Variants in RGS6 observed in about 807,000 individuals in gnomAD.
RGS6 encodes regulator of G protein signaling 6.
In RGS6, 30 loss-of-function variants were observed where a neutral mutation model predicts 78.5. That is an observed-to-expected ratio of 0.38 (90% CI 0.29 to 0.52). The LOEUF (loss-of-function observed/expected upper bound fraction) is 0.52. RGS6 is among the 20% of genes least tolerant of loss of function. RGS6 has a pLI of 0.85. For synonymous variants in RGS6, 206 were observed against 206.0 expected (o/e 1.00, Z 0.00); for missense variants, 495 against 609.7 (o/e 0.81, Z 1.98).
intron 2 of RGS6, among the ~76,000 whole-genome samples, chr14:72,270,161 A>T (rs2059723342): frequency 6.6e-6 from 1 of 152,174 alleles, no homozygotes; most frequent in South Asian, 2.1e-4. Context: ...ATCTAGATCA[A>T]ATTCCCCTAT....
chr14:72,366,023 G>T (rs1307216569), intron 3 of RGS6, among the ~76,000 whole-genome samples: 1 of 152,154 alleles, frequency 6.6e-6, no homozygotes, highest in Admixed American at 6.5e-5. Flanking sequence ...AGTCATCAGA[G>T]TCTGAGTGAC....
At chr14:72,562,381 G>T in intron 17 of RGS6, 36 bp from the exon 18 acceptor site, 1 of 1,594,952 alleles carries the variant, frequency 6.3e-7, no homozygotes. Flanking sequence ...CTGTGTGTGC[G>T]CCTGTGCGTG....
Position 72,013,127 on chromosome 14 carries a change from T to C in RGS6, c.84+48252T>C, listed in dbSNP as rs113619743. ...CTCTACTAAAAATACAAAAATTAGC[T>C]GGGTGTGGTGGTACGTGCCTGTAAT... On this transcript the variant is annotated intron_variant, in intron 2 of 17. Transcript: ENST00000553525. Among the ~76,000 whole-genome samples the C allele has an allele frequency of 3.6e-3, 542 of 151,668 alleles. 4 individuals are homozygous for C. The highest frequency in any genetic ancestry group is 0.011 in the African/African-American group (471 of 41,354).
In RGS6 at chr14:72,183,957, A is replaced by G. The variant is rs766124370; in HGVS notation, c.85-168138A>G. Among the ~76,000 whole-genome samples the G allele has an allele frequency of 3.3e-5, 5 of 152,150 alleles. No homozygotes were observed. In the South Asian group the frequency reaches 6.2e-4, roughly 19 times the overall value. On this transcript the variant is annotated intron_variant, in intron 2 of 17. Transcript: ENST00000553525. ...ATGTATGAAATCCTAATAGTATGCC[A>G]TTTAGGAGTTTGTTTACCATCAGTC... is the stretch of plus-strand genomic sequence containing the variant.
At chr14:72,240,443 C>T (rs1044171727) in intron 2 of RGS6, among the ~76,000 whole-genome samples, 1 of 152,134 alleles carries the variant, frequency 6.6e-6, no homozygotes, top group African/African-American at 2.4e-5. Context: ...GCACACAGCA[C>T]AGAAGCTGAG....
At chr14:71,874,404 A>G in the RGS6 span, among the ~76,000 whole-genome samples, 1 of 152,054 alleles carries the variant, frequency 6.6e-6, no homozygotes, top group South Asian at 2.1e-4. Flanking sequence ...CTTTGAAGCA[A>G]TTGTGAATGG....
chr14:72,203,896 C>T (rs373556209), intron 2 of RGS6, among the ~76,000 whole-genome samples: 43 of 149,570 alleles, frequency 2.9e-4, no homozygotes, highest in African/African-American at 9.9e-4. Flanking sequence ...ACTTCCTTGG[C>T]TCACTGCAAC....
chr14:72,172,746 C>T (rs1035846652), intron 2 of RGS6, among the ~76,000 whole-genome samples: 2 of 152,276 alleles, frequency 1.3e-5, no homozygotes, highest in South Asian at 2.1e-4. Context: ...CAGGCAGTGG[C>T]ATTACAACAG....
intron 6 of RGS6, among the ~76,000 whole-genome samples, chr14:72,463,751 C>A (rs961660056): frequency 1.3e-5 from 2 of 152,212 alleles, no homozygotes; most frequent in Non-Finnish European, 1.5e-5. Flanking sequence ...CTGGCCCAGT[C>A]GAGCTGGTGA....
In RGS6 at chr14:72,474,659, G is replaced by A. The variant is rs762687373; in HGVS notation, c.653G>A (p.Arg218Gln). Residue 218 changes from arginine (R) to glutamine (Q), a missense_variant, in exon 10 of 18, where the codon CGA becomes CAA. Transcript: ENST00000553525. ...GTGAACACAACAGAAATGGATATCC[G>A]AAAATGTCGACGTTTGAAGAATCCA... ...GCVNTTEMDIRKCRRLKNPQK... is the reference protein window; with the variant it reads ...GCVNTTEMDIQKCRRLKNPQK... 6.2e-6 allele frequency: 10 copies of A among 1,613,108 alleles called. No homozygotes were observed. The highest frequency in any genetic ancestry group is 5.1e-6 in the Non-Finnish European group (6 of 1,179,680).
intron 8 of RGS6, among the ~76,000 whole-genome samples, chr14:72,471,260 A>G (rs1292833005): frequency 6.6e-6 from 1 of 152,182 alleles, no homozygotes; most frequent in East Asian, 1.9e-4. Flanking sequence ...CTTCCTCTCT[A>G]AGGAAACATG....
intron 2 of RGS6, among the ~76,000 whole-genome samples, chr14:72,003,397 A>G (rs2083870920): frequency 6.6e-6 from 1 of 152,182 alleles, no homozygotes; most frequent in South Asian, 2.1e-4. Context: ...GGTGGCACTA[A>G]TTATGCTCAC....
chr14:72,242,340 G>C (rs1017024190), intron 2 of RGS6, among the ~76,000 whole-genome samples: 1 of 152,142 alleles, frequency 6.6e-6, no homozygotes, highest in Non-Finnish European at 1.5e-5. Context: ...CCTTTGAGGG[G>C]AGTTAATGGC....
intron 3 of RGS6, among the ~76,000 whole-genome samples, chr14:72,376,967 C>T (rs2084906531): frequency 6.6e-6 from 1 of 151,906 alleles, no homozygotes; most frequent in Admixed American, 6.6e-5. Flanking sequence ...GAAAAACACC[C>T]AACTGCAAAA....
chr14:72,214,107 C>T (rs1227374591), intron 2 of RGS6, among the ~76,000 whole-genome samples: 2 of 150,794 alleles, frequency 1.3e-5, no homozygotes, highest in Non-Finnish European at 2.9e-5. Flanking sequence ...ACATTAAACT[C>T]ATTTGGATAG....
chr14:71,882,904 A>C, the RGS6 span, among the ~76,000 whole-genome samples: 1 of 152,186 alleles, frequency 6.6e-6, no homozygotes, highest in Non-Finnish European at 1.5e-5. Context: ...GCCTTTCATT[A>C]GGCCAGAGCT....
At chr14:72,591,190 A>G in the RGS6 span, among the ~76,000 whole-genome samples, 543 of 152,326 alleles carry the variant, frequency 3.6e-3, 4 homozygotes, top group African/African-American at 0.012. Context: ...CATTATTTTT[A>G]TAAACACGAA....
At chr14:72,616,126 T>A in the RGS6 span, among the ~76,000 whole-genome samples, 7 of 152,324 alleles carry the variant, frequency 4.6e-5, no homozygotes, top group African/African-American at 1.7e-4. Context: ...CTTGAATACC[T>A]GCAAAGACCA....
intron 16 of RGS6, among the ~76,000 whole-genome samples, chr14:72,536,841 T>A (rs2097257582): frequency 6.6e-6 from 1 of 152,122 alleles, no homozygotes; most frequent in African/African-American, 2.4e-5. Flanking sequence ...GGTGTTGCCT[T>A]TCTCTCTTAA....
Sources: gnomAD v4.1 joint callset for allele counts (sites outside exome capture counted in the v4.1 genomes callset) on GRCh38, gnomAD v4.1.1 for gene constraint, MANE v1.5 for transcripts, NCBI Gene and HGNC (gene_info 2026-07-23, HGNC 2026-07-21) for gene names.